BBX: variants seen among roughly 807,000 people sequenced by gnomAD.
BBX encodes BBX high mobility group box domain containing.
A neutral mutation model predicts 100.2 loss-of-function variants in BBX; 30 were observed. The observed-to-expected ratio is 0.30, with a 90% CI of 0.22 to 0.41. BBX has a LOEUF of 0.41. Among genes scored for constraint, BBX ranks in the 10% least tolerant of loss-of-function variants. The pLI, the probability that BBX is intolerant of heterozygous loss-of-function variation, is 1.00. For missense variants in BBX, 1,023 were observed against 1,129.8 expected (o/e 0.91, Z 1.35); for synonymous variants, 376 against 388.1 (o/e 0.97, Z 0.37).
chr3:107,710,352 A>C, intron 3 of BBX, 100 bp from the exon 4 acceptor site: 1 of 907,072 alleles, frequency 1.1e-6, no homozygotes, highest in Non-Finnish European at 1.6e-6. Context: ...TCCTAAAGGG[A>C]GCTAAATAAA....
chr3:107,530,841 A>G (rs2048114001), intron 2 of BBX, among the ~76,000 whole-genome samples: 1 of 152,258 alleles, frequency 6.6e-6, no homozygotes. Flanking sequence ...ACTAATCTTT[A>G]TAAATCCAAT....
At chr3:107,631,195 A>G (rs1246674079) in intron 2 of BBX, among the ~76,000 whole-genome samples, 1 of 152,104 alleles carries the variant, frequency 6.6e-6, no homozygotes, top group East Asian at 1.9e-4. Context: ...AGAAATTACC[A>G]CCTTGTCACT....
intron 2 of BBX, among the ~76,000 whole-genome samples, chr3:107,580,381 T>G (rs551499943): frequency 2.6e-5 from 4 of 152,306 alleles, no homozygotes; most frequent in African/African-American, 9.6e-5. Flanking sequence ...TTATTTTCAC[T>G]ATCCTCCAAC....
At chr3:107,568,840 C>T (rs139217564) in intron 2 of BBX, among the ~76,000 whole-genome samples, 2 of 152,296 alleles carry the variant, frequency 1.3e-5, no homozygotes, top group East Asian at 3.9e-4. Flanking sequence ...CCCAAAGTTT[C>T]ATTTCCAGGA....
At chr3:107,769,637 C>T (rs1007791231) in intron 10 of BBX, among the ~76,000 whole-genome samples, 1 of 151,314 alleles carries the variant, frequency 6.6e-6, no homozygotes. Flanking sequence ...AGTCTGTCTT[C>T]GAGTATCGTA....
intron 3 of BBX, among the ~76,000 whole-genome samples, chr3:107,646,754 T>A (rs1340000186): frequency 1.3e-5 from 2 of 152,280 alleles, no homozygotes; most frequent in East Asian, 3.9e-4. Context: ...AAGGAACTTA[T>A]TCTTTAACTT....
chr3:107,627,530 C>T (rs1213901974), intron 2 of BBX, among the ~76,000 whole-genome samples: 1 of 152,122 alleles, frequency 6.6e-6, no homozygotes, highest in Non-Finnish European at 1.5e-5. Flanking sequence ...AATTTTGACC[C>T]ACAGTGAACT....
intron 13 of BBX, among the ~76,000 whole-genome samples, chr3:107,787,217 G>A (rs1261217210): frequency 6.6e-6 from 1 of 152,112 alleles, no homozygotes; most frequent in Non-Finnish European, 1.5e-5. Flanking sequence ...GGATGGTCTT[G>A]ATCTCTTGAT....
chr3:107,710,433 C>A lies in BBX; in HGVS notation c.-9-19C>A. 6.4e-7 allele frequency: 1 copy of A among 1,564,864 alleles called. No homozygotes were observed. The highest frequency in any genetic ancestry group is 8.7e-7 in the Non-Finnish European group (1 of 1,152,206). On this transcript the variant is annotated intron_variant, in intron 3 of 17. Coordinates refer to ENST00000325805, the MANE Select transcript of BBX (RefSeq NM_001142568.3). ...TCTCTCCCTGTTTCCCTGTTTCTCT[C>A]TCTCTCTTCCTATTACAGGTCACAG...
chr3:107,718,312 T>C (rs2062265007), intron 5 of BBX, among the ~76,000 whole-genome samples: 1 of 148,252 alleles, frequency 6.7e-6, no homozygotes, highest in African/African-American at 2.4e-5. Flanking sequence ...ATAATTATAA[T>C]AATTATATAA....
chr3:107,809,596 C>T lies in BBX; in HGVS notation c.*4139C>T, dbSNP rs1353522884. 1 of 152,182 alleles carries T rather than the reference C, an allele frequency of 6.6e-6. No individual in the cohort carries two copies. Among genetic ancestry groups the T allele is most frequent in the Admixed American group, 6.5e-5 (1 of 15,288 alleles). The allele number at this position is 152,182 out of a possible 1,614,324, so 9.4% of individuals were successfully genotyped here. A position where few individuals can be genotyped will look rare whatever the true frequency, so the allele number is the denominator to read the frequency against. ...TTCAAAAGTTTGTCTTTTTTTGCTT[C>T]TACCTTCAGTGCCACTATTTTCCAC... On this transcript the variant is annotated 3_prime_UTR_variant, in exon 18 of 18. Coordinates refer to ENST00000325805, the MANE Select transcript of BBX (RefSeq NM_001142568.3).
intron 2 of BBX, among the ~76,000 whole-genome samples, chr3:107,539,320 C>A (rs2048715593): frequency 1.3e-5 from 2 of 152,206 alleles, no homozygotes; most frequent in South Asian, 4.1e-4. Context: ...CATACATATA[C>A]CAAATGTGAA....
chr3:107,545,601 T>C (rs2049175229), intron 2 of BBX, among the ~76,000 whole-genome samples: 3 of 152,186 alleles, frequency 2.0e-5, no homozygotes. Flanking sequence ...ATTCCTTATG[T>C]TTGGAAAAAT....
At chr3:107,712,606 C>T (rs965711536) in intron 4 of BBX, among the ~76,000 whole-genome samples, 2 of 152,196 alleles carry the variant, frequency 1.3e-5, no homozygotes, top group African/African-American at 4.8e-5. Flanking sequence ...TTTAACAGTT[C>T]CTTCCTGTAC....
At chr3:107,757,998 A>G (rs2065619599) in intron 10 of BBX, among the ~76,000 whole-genome samples, 1 of 152,180 alleles carries the variant, frequency 6.6e-6, no homozygotes, top group Non-Finnish European at 1.5e-5. Flanking sequence ...CTACCACTCC[A>G]GGAGTTCCTC....
intron 2 of BBX, among the ~76,000 whole-genome samples, chr3:107,581,819 G>T (rs1479309831): frequency 6.6e-6 from 1 of 152,036 alleles, no homozygotes; most frequent in Non-Finnish European, 1.5e-5. Context: ...ATGTCCTCTA[G>T]GGAATAGTTG....
intron 2 of BBX, among the ~76,000 whole-genome samples, chr3:107,569,356 T>C (rs1415887296): frequency 6.6e-6 from 1 of 152,198 alleles, no homozygotes; most frequent in Non-Finnish European, 1.5e-5. Flanking sequence ...TTGACTGTCT[T>C]TCTTATTTAG....
intron 2 of BBX, among the ~76,000 whole-genome samples, chr3:107,595,596 A>G (rs2053619521): frequency 6.6e-6 from 1 of 152,222 alleles, no homozygotes; most frequent in Non-Finnish European, 1.5e-5. Flanking sequence ...TGACACCGAA[A>G]TGAATGATGA....
At chr3:107,643,321 T>C (rs780745526) in intron 2 of BBX, among the ~76,000 whole-genome samples, 3 of 152,170 alleles carry the variant, frequency 2.0e-5, no homozygotes, top group Non-Finnish European at 4.4e-5. Flanking sequence ...ACAAATAATA[T>C]TTAATAGATG....
Sources: allele counts gnomAD v4.1 joint callset (sites outside exome capture counted in the v4.1 genomes callset), GRCh38; gene constraint gnomAD v4.1.1; transcripts MANE v1.5; gene names NCBI Gene and HGNC (gene_info 2026-07-23, HGNC 2026-07-21).